The following PRRX1 variants were observed in gnomAD, a reference collection of about 807,000 sequenced individuals.
The protein encoded by PRRX1 is paired related homeobox 1, also known as paired mesoderm homeobox protein 1.
Under a neutral mutation model 24.0 loss-of-function variants are expected in PRRX1, and 8 were observed. That is an observed-to-expected ratio of 0.33 (90% CI 0.20 to 0.60). The LOEUF (loss-of-function observed/expected upper bound fraction) is 0.60, where lower values mean the gene tolerates loss of function less well. PRRX1 is among the 20% of genes least tolerant of loss of function. The pLI is 0.82. For missense variants in PRRX1, 281 were observed against 322.4 expected, an observed-to-expected ratio of 0.87 and a Z score of 0.98; for synonymous variants, 160 against 131.7, an observed-to-expected ratio of 1.22 and a Z score of -1.47.
At chr1:170,690,610 G>A (rs1653910970) in intron 1 of PRRX1, among the ~76,000 whole-genome samples, 2 of 152,172 alleles carry the variant, frequency 1.3e-5, no homozygotes, top group African/African-American at 2.4e-5. Context: ...GAAAATAAGT[G>A]TTTGGTAAAA....
upstream of PRRX1, chr1:170,664,059 G>A (rs1652820090): frequency 3.0e-6 from 2 of 667,568 alleles, no homozygotes; most frequent in Non-Finnish European, 2.3e-6. Context: ...TTTTTTTTTG[G>A]CCTTCCTCTC....
At chr1:170,726,163 T>G in intron 2 of PRRX1, 57 bp from the exon 3 acceptor site, 1 of 1,519,010 alleles carries the variant, frequency 6.6e-7, no homozygotes, top group Non-Finnish European at 9.1e-7. Context: ...TGTAACCCCT[T>G]CTTCTTTGTT....
At chr1:170,683,660 G>C (rs1158029714) in intron 1 of PRRX1, among the ~76,000 whole-genome samples, 1 of 152,164 alleles carries the variant, frequency 6.6e-6, no homozygotes, top group Non-Finnish European at 1.5e-5. Flanking sequence ...TTCAGGTACT[G>C]CCTTTAATTT....
chr1:170,693,994 CAA>C (rs2101899970), intron 1 of PRRX1, among the ~76,000 whole-genome samples: 1 of 151,848 alleles, frequency 6.6e-6, no homozygotes, highest in African/African-American at 2.4e-5. Flanking sequence ...TTCCATGAAG[CAA>C]AGAGAGGCTT....
chr1:170,664,012 T>C (rs1048890004), upstream of PRRX1: 4 of 580,846 alleles, frequency 6.9e-6, no homozygotes, highest in African/African-American at 7.6e-5. Flanking sequence ...AACGCTCTGC[T>C]CTACAGAAGG....
rs535145455 is a variant in PRRX1, at chr1:170,698,026, A to G, written c.242-21700A>G. Among the ~76,000 whole-genome samples the G allele has an allele frequency of 2.6e-5, 4 of 151,984 alleles. No homozygotes were observed. The South Asian group carries it at 8.3e-4, about 32-fold the overall frequency. ...CATCTCCAAGATCAGTATCATCATC[A>G]TTTGTTAAACACTATGAGCCAAATC... On this transcript the variant is annotated intron_variant, in intron 1 of 3. Coordinates refer to ENST00000239461, the MANE Select transcript of PRRX1 (RefSeq NM_022716.4).
At chr1:170,669,791 A>G (rs1653084278) in intron 1 of PRRX1, among the ~76,000 whole-genome samples, 1 of 152,094 alleles carries the variant, frequency 6.6e-6, no homozygotes, top group Non-Finnish European at 1.5e-5. Context: ...CTCCAGTTCC[A>G]AGGCCGAGCT....
rs1655586426 is a variant in PRRX1, at chr1:170,735,944, C to T, written c.600-104C>T. 4.0e-6 allele frequency: 6 copies of T among 1,506,350 alleles called. No homozygotes were observed. The Admixed American group carries it at 5.0e-5, about 13-fold the overall frequency. The allele number at this position is 1,506,350 out of a possible 1,614,324, so 93.3% of individuals were successfully genotyped here. On this transcript the variant is annotated intron_variant, in intron 3 of 3. Transcript: ENST00000239461. Reference sequence around the variant, plus strand: ...AGGTCATCTAGTCCAAGCCATTGCCCCTGCCTGCCCCCATGCTGAGAGTAC... The same window carrying T: ...AGGTCATCTAGTCCAAGCCATTGCCTCTGCCTGCCCCCATGCTGAGAGTAC...
chr1:170,719,092 G>A (rs1160766689), intron 1 of PRRX1, among the ~76,000 whole-genome samples: 1 of 152,206 alleles, frequency 6.6e-6, no homozygotes, highest in Non-Finnish European at 1.5e-5. Flanking sequence ...TGATGGCATT[G>A]TAGCACTAGT....
In PRRX1 at chr1:170,737,822, G is replaced by T. The variant is rs1161078475; in HGVS notation, c.*1636G>T. 1 of 215,662 alleles carries T rather than the reference G, an allele frequency of 4.6e-6. No individual in the cohort carries two copies. Among genetic ancestry groups the T allele is most frequent in the South Asian group, 1.9e-4 (1 of 5,344 alleles). The allele number at this position is 215,662 out of a possible 1,614,324, so 13.4% of individuals were successfully genotyped here. A position where few individuals can be genotyped will look rare whatever the true frequency, so the allele number is the denominator to read the frequency against. Reference sequence around the variant, plus strand: ...AATAATACTTACCTACCTCACAGGGGTGTTGTGAGGCTCTATTCATTTGCT... The same window carrying T: ...AATAATACTTACCTACCTCACAGGGTTGTTGTGAGGCTCTATTCATTTGCT... On this transcript the variant is annotated 3_prime_UTR_variant, in exon 4 of 4. Coordinates refer to ENST00000239461, the MANE Select transcript of PRRX1 (RefSeq NM_022716.4).
At chr1:170,694,846 A>G (rs1208447693) in intron 1 of PRRX1, among the ~76,000 whole-genome samples, 1 of 152,186 alleles carries the variant, frequency 6.6e-6, no homozygotes, top group Non-Finnish European at 1.5e-5. Context: ...TAAAAGTATG[A>G]TAACATCTAA....
intron 3 of PRRX1, among the ~76,000 whole-genome samples, chr1:170,732,654 C>T (rs765837279): frequency 7.2e-5 from 11 of 152,152 alleles, no homozygotes; most frequent in Non-Finnish European, 1.5e-4. Context: ...TGTAGGATTA[C>T]ATATTCTAAA....
At chr1:170,732,998 T>C (rs1655487257) in intron 3 of PRRX1, among the ~76,000 whole-genome samples, 1 of 152,064 alleles carries the variant, frequency 6.6e-6, no homozygotes, top group Non-Finnish European at 1.5e-5. Flanking sequence ...ATGTGAAAAA[T>C]GTGCCAGTGA....
chr1:170,678,859 A>T (rs575608553), intron 1 of PRRX1, among the ~76,000 whole-genome samples: 2 of 152,344 alleles, frequency 1.3e-5, no homozygotes, highest in South Asian at 2.1e-4. Context: ...CTTCAATGTG[A>T]TGCCTGGTTC....
At chr1:170,712,438 C>T (rs1017766938) in intron 1 of PRRX1, among the ~76,000 whole-genome samples, 2 of 152,106 alleles carry the variant, frequency 1.3e-5, no homozygotes, top group Non-Finnish European at 2.9e-5. Flanking sequence ...GCCATATAAA[C>T]GTATTTGAAT....
rs1655710439 is a variant in PRRX1, at chr1:170,738,970, A to G, written c.*2784A>G. The G allele has an allele frequency of 4.4e-6, 1 of 225,614 alleles. No homozygotes were observed. Among genetic ancestry groups the G allele is most frequent in the South Asian group, 1.8e-4 (1 of 5,442 alleles). The allele number at this position is 225,614 out of a possible 1,614,324, so 14.0% of individuals were successfully genotyped here. Reference sequence around the variant, plus strand: ...TATTATCTAAGCACTTGATCAAGAAATATACATGTTGTACAAGCTCTCAAT... The same window carrying G: ...TATTATCTAAGCACTTGATCAAGAAGTATACATGTTGTACAAGCTCTCAAT... On this transcript the variant is annotated 3_prime_UTR_variant, in exon 4 of 4. Coordinates refer to ENST00000239461, the MANE Select transcript of PRRX1 (RefSeq NM_022716.4).
chr1:170,730,352 A>G, intron 3 of PRRX1: 1 of 1,604,822 alleles, frequency 6.2e-7, no homozygotes, highest in South Asian at 1.1e-5. Context: ...TGAAAAGGTA[A>G]CTTGTCAGAG....
chr1:170,691,251 A>G lies in PRRX1; in HGVS notation c.241+26792A>G, dbSNP rs79469015. 7.7e-3 allele frequency among the ~76,000 whole-genome samples: 1,177 copies of G among 152,240 alleles called. 16 individuals are homozygous for G. Among genetic ancestry groups the G allele is most frequent in the African/African-American group, 0.027 (1,116 of 41,544 alleles). The stretch of plus-strand genomic sequence containing the variant: ...TTGCATGTTTGCAACCAAAGAGTGG[A>G]TTAAAAAATGTTTATTAGCCAACCA... On this transcript the variant is annotated intron_variant, in intron 1 of 3. Transcript: ENST00000239461.
Position 170,674,231 on chromosome 1 carries a change from C to T in PRRX1, c.241+9772C>T, listed in dbSNP as rs571078417. On this transcript the variant is annotated intron_variant, in intron 1 of 3. Coordinates refer to ENST00000239461, the MANE Select transcript of PRRX1 (RefSeq NM_022716.4). ...ACACACACACACGTGTGCGCGCTTG[C>T]GCACGCACGCACACACACACACACA... 8.0e-5 allele frequency among the ~76,000 whole-genome samples: 12 copies of T among 150,666 alleles called. No individual in the cohort carries two copies. The South Asian group carries it at 8.4e-4, about 10-fold the overall frequency.
Sources: allele counts gnomAD v4.1 joint callset (sites outside exome capture counted in the v4.1 genomes callset), GRCh38; gene constraint gnomAD v4.1.1; transcripts MANE v1.5; gene names NCBI Gene and HGNC (gene_info 2026-07-23, HGNC 2026-07-21).